Variants in CDH12 observed in about 807,000 individuals in gnomAD.
CDH12 encodes the protein cadherin 12, also known as cadherin-12.
In CDH12, 41 loss-of-function variants were observed where a neutral mutation model predicts 74.1. That is an observed-to-expected ratio of 0.55 (90% CI 0.43 to 0.72). CDH12 has a LOEUF of 0.72. Among genes scored for constraint, CDH12 ranks in the 30% least tolerant of loss-of-function variants. The pLI, the probability that CDH12 is intolerant of heterozygous loss-of-function variation, is 0.00. For synonymous variants in CDH12, 399 were observed against 355.0 expected, an observed-to-expected ratio of 1.12 and a Z score of -1.39; for missense variants, 945 against 977.2, an observed-to-expected ratio of 0.97 and a Z score of 0.44.
intron 4 of CDH12, among the ~76,000 whole-genome samples, chr5:22,169,695 T>C (rs1362649656): frequency 3.3e-5 from 5 of 151,968 alleles, no homozygotes; most frequent in Non-Finnish European, 7.4e-5. Flanking sequence ...GATTGTTTGT[T>C]GAATGCATAT....
intron 3 of CDH12, among the ~76,000 whole-genome samples, chr5:22,372,799 CT>C (rs1741353079): frequency 6.6e-6 from 1 of 152,150 alleles, no homozygotes. Context: ...CCCCAAAGGA[CT>C]TTGTGCCCTG....
chr5:22,331,325 T>A (rs1211564370), intron 3 of CDH12, among the ~76,000 whole-genome samples: 1 of 152,132 alleles, frequency 6.6e-6, no homozygotes, highest in Non-Finnish European at 1.5e-5. Context: ...TAGCCACACG[T>A]GTGCTCGCAT....
chr5:22,833,204 A>G (rs1736693419), intron 1 of CDH12, among the ~76,000 whole-genome samples: 2 of 152,206 alleles, frequency 1.3e-5, no homozygotes, highest in Admixed American at 1.3e-4. Context: ...TCAATACAAA[A>G]AGATCTGGAA....
chr5:22,609,047 A>C (rs183265822), intron 1 of CDH12, among the ~76,000 whole-genome samples: 1 of 152,204 alleles, frequency 6.6e-6, no homozygotes, highest in East Asian at 1.9e-4. Context: ...TGAAGGAACC[A>C]CCCAGATTGT....
At chr5:22,099,559 C>T (rs967925772) in intron 4 of CDH12, among the ~76,000 whole-genome samples, 3 of 152,092 alleles carry the variant, frequency 2.0e-5, no homozygotes, top group African/African-American at 7.2e-5. Flanking sequence ...TTAGACTGTG[C>T]CCCAAGAAAC....
At chr5:22,384,225 A>G (rs1342663353) in intron 3 of CDH12, among the ~76,000 whole-genome samples, 2 of 152,096 alleles carry the variant, frequency 1.3e-5, no homozygotes, top group Admixed American at 6.6e-5. Context: ...AAAAATGTCC[A>G]TAAGAAAAGA....
At chr5:21,798,663 A>T (rs1017400769) in intron 10 of CDH12, among the ~76,000 whole-genome samples, 1 of 152,052 alleles carries the variant, frequency 6.6e-6, no homozygotes, top group Non-Finnish European at 1.5e-5. Context: ...TCTAACCAAG[A>T]CCCAGACAGC....
At chr5:22,331,125 T>A (rs938639819) in intron 3 of CDH12, among the ~76,000 whole-genome samples, 6 of 152,210 alleles carry the variant, frequency 3.9e-5, no homozygotes, top group Admixed American at 3.9e-4. Flanking sequence ...GAGTGCCAGA[T>A]TAGCCCCAGT....
Position 21,981,046 on chromosome 5 carries a change from C to T in CDH12, c.232-5661G>A, listed in dbSNP as rs574896153. Among the ~76,000 whole-genome samples the T allele has an allele frequency of 5.3e-5, 8 of 152,128 alleles. No homozygotes were observed. The South Asian group carries it at 1.7e-3, about 32-fold the overall frequency. On this transcript the variant is annotated intron_variant, in intron 5 of 14. Transcript: ENST00000382254. ...TTAATTGTTTCTATTTTCATTCTTT[C>T]TGTTTCAGTTCTTATAAAAATACAT... is the stretch of plus-strand genomic sequence containing the variant.
intron 4 of CDH12, among the ~76,000 whole-genome samples, chr5:22,179,161 T>C (rs1749500487): frequency 6.6e-6 from 1 of 152,192 alleles, no homozygotes; most frequent in Non-Finnish European, 1.5e-5. Flanking sequence ...AAACATAGCA[T>C]TTCAAACTTA....
intron 4 of CDH12, among the ~76,000 whole-genome samples, chr5:22,080,408 C>A (rs1023882701): frequency 1.1e-4 from 16 of 151,620 alleles, no homozygotes; most frequent in African/African-American, 3.9e-4. Flanking sequence ...TAGGGCAAAC[C>A]TAAAAAAAAT....
At chr5:22,606,126 T>C (rs1486164481) in intron 1 of CDH12, among the ~76,000 whole-genome samples, 1 of 152,160 alleles carries the variant, frequency 6.6e-6, no homozygotes, top group Non-Finnish European at 1.5e-5. Flanking sequence ...CCATCAGCAG[T>C]CAGGCAAGCA....
intron 2 of CDH12, among the ~76,000 whole-genome samples, chr5:22,414,241 T>A (rs919010341): frequency 5.3e-5 from 8 of 151,984 alleles, no homozygotes; most frequent in African/African-American, 1.7e-4. Flanking sequence ...GAATTCAATT[T>A]GTCCATTTGA....
At chr5:22,045,315 A>G (rs146983568) in intron 5 of CDH12, among the ~76,000 whole-genome samples, 75 of 152,282 alleles carry the variant, frequency 4.9e-4, no homozygotes, top group African/African-American at 1.7e-3. Context: ...GTAGTTGAGA[A>G]AAGAGCCCTT....
At chr5:22,415,237 G>T (rs1043099578) in intron 2 of CDH12, among the ~76,000 whole-genome samples, 4 of 150,918 alleles carry the variant, frequency 2.7e-5, no homozygotes, top group African/African-American at 7.3e-5. Flanking sequence ...GTTTTTTTTT[G>T]AAAATTGACA....
At chr5:22,576,891 C>A (rs1438947986) in intron 1 of CDH12, among the ~76,000 whole-genome samples, 1 of 152,032 alleles carries the variant, frequency 6.6e-6, no homozygotes, top group Non-Finnish European at 1.5e-5. Flanking sequence ...GTTTGCTTTA[C>A]GAAACCTTAC....
intron 6 of CDH12, chr5:21,882,860 T>C (rs1752431836): frequency 1.3e-6 from 2 of 1,591,848 alleles, no homozygotes; most frequent in African/African-American, 1.3e-5. Context: ...AGGATAAATA[T>C]AAAAACATTG....
chr5:21,798,998 AT>A (rs1746961491), intron 10 of CDH12, among the ~76,000 whole-genome samples: 1 of 152,174 alleles, frequency 6.6e-6, no homozygotes, highest in South Asian at 2.1e-4. Flanking sequence ...ATGTTCAAGG[AT>A]ATTCTGTTAA....
chr5:21,952,155 G>A lies in CDH12; in HGVS notation c.526+22936C>T, dbSNP rs566595971. On this transcript the variant is annotated intron_variant, in intron 6 of 14. Transcript: ENST00000382254. ...TCTTACATTAGTGCTGTTGCCGTTA[G>A]TTATCATCATTTAAGTGTCTGTTCT... is the stretch of plus-strand genomic sequence containing the variant. Among the ~76,000 whole-genome samples, 4 of 152,290 alleles carry A rather than the reference G, an allele frequency of 2.6e-5. No individual in the cohort carries two copies. In the South Asian group the frequency reaches 8.3e-4, roughly 32 times the overall value.
Sources: gnomAD v4.1 joint callset for allele counts (sites outside exome capture counted in the v4.1 genomes callset) on GRCh38, gnomAD v4.1.1 for gene constraint, MANE v1.5 for transcripts, NCBI Gene and HGNC (gene_info 2026-07-23, HGNC 2026-07-21) for gene names.